Variants in CSF3R observed in about 807,000 individuals in gnomAD.
The protein encoded by CSF3R is granulocyte colony-stimulating factor receptor.
Under a neutral mutation model 84.4 loss-of-function variants are expected in CSF3R, and 52 were observed. The observed-to-expected ratio is 0.62, with a 90% CI of 0.49 to 0.78. CSF3R has a LOEUF of 0.78. CSF3R is among the 30% of genes least tolerant of loss of function. The probability of loss-of-function intolerance (pLI) is 0.00; values close to 1 mark genes in which losing one functional copy is unlikely to be tolerated. For missense variants in CSF3R, 890 were observed against 1,055.7 expected, an observed-to-expected ratio of 0.84 and a Z score of 2.17; for synonymous variants, 384 against 429.1, an observed-to-expected ratio of 0.89 and a Z score of 1.30.
chr1:36,475,334 A>C (rs202173587), intron 4 of CSF3R, 43 bp downstream of exon 4: 14 of 1,608,204 alleles, frequency 8.7e-6, no homozygotes, highest in African/African-American at 1.3e-5. Context: ...TATTGGCAGG[A>C]GGGTGTTGGA....
At chr1:36,469,046 G>C in intron 12 of CSF3R, 110 bp downstream of exon 12, 1 of 807,024 alleles carries the variant, frequency 1.2e-6, no homozygotes, top group Non-Finnish European at 2.1e-6. Context: ...TCCAGGGCTG[G>C]AAGTATGGTA....
intron 12 of CSF3R, 54 bp from the exon 13 acceptor site, chr1:36,468,275 C>T (rs1054682347): frequency 1.9e-5 from 28 of 1,513,354 alleles, no homozygotes; most frequent in Middle Eastern, 3.7e-4. Flanking sequence ...AGCAAGAGCC[C>T]GGTTGGACTT....
In CSF3R at chr1:36,473,492, C is replaced by G; in HGVS notation, c.616G>C (p.Glu206Gln). The G allele has an allele frequency of 6.2e-7, 1 of 1,614,146 alleles. No individual in the cohort carries two copies. The highest frequency in any genetic ancestry group is 8.5e-7 in the Non-Finnish European group (1 of 1,180,052). ...GACATGCTGGTCCCCAGCGCATTCT[C>G]TGCCTGCACCCAGATGCCCATATTC... Reference protein sequence around the residue: ...YQNMGIWVQAENALGTSMSPQ... With the variant: ...YQNMGIWVQAQNALGTSMSPQ... Residue 206 changes from glutamate to glutamine, a missense_variant, in exon 6 of 17, where the codon GAG becomes CAG. Physicochemically the swap from Glu to Gln is conservative, Grantham distance 29 (BLOSUM62 2). Transcript: ENST00000373106.
At chr1:36,469,135 G>A in intron 12 of CSF3R, 21 bp downstream of exon 12, 1 of 1,558,916 alleles carries the variant, frequency 6.4e-7, no homozygotes, top group Non-Finnish European at 8.8e-7. Flanking sequence ...ATTCTGGAAA[G>A]GGGCCTGATA....
rs1651518102 is a variant in CSF3R, at chr1:36,481,481, C to T, written c.-24G>A. ...GATCTCCAGCTCCGCCACTTACCAG[C>T]TTTGTGATCTTGGACAAGTTACTTC... On this transcript the variant is annotated 5_prime_UTR_variant, in exon 2 of 17. Coordinates refer to ENST00000373106, the MANE Select transcript of CSF3R (RefSeq NM_000760.4). 1 of 152,306 alleles carries T rather than the reference C, an allele frequency of 6.6e-6. No individual in the cohort carries two copies. The highest frequency in any genetic ancestry group is 2.4e-5 in the African/African-American group (1 of 41,460). 9.4% of individuals were successfully genotyped at this position (152,306 alleles called of 1,614,324 possible).
intron 11 of CSF3R, among the ~76,000 whole-genome samples, 153 bp from the exon 12 acceptor site, chr1:36,469,410 A>C (rs1557589512): frequency 6.6e-6 from 1 of 152,222 alleles, no homozygotes; most frequent in Non-Finnish European, 1.5e-5. Context: ...GATGAGAATT[A>C]GGGAAGAAAA....
intron 3 of CSF3R, chr1:36,477,085 G>A (rs913108260): frequency 6.6e-6 from 1 of 152,064 alleles, no homozygotes; most frequent in African/African-American, 2.4e-5. Context: ...GGAGGCCAAG[G>A]TCCCTGTACT....
intron 4 of CSF3R, among the ~76,000 whole-genome samples, chr1:36,474,475 C>G (rs551325745): frequency 1.4e-5 from 2 of 144,146 alleles, no homozygotes; most frequent in Admixed American, 7.1e-5. Context: ...TCGGCTCACT[C>G]GGCTAATTTT....
intron 2 of CSF3R, chr1:36,479,845 C>T (rs1196816226): frequency 5.2e-6 from 2 of 382,154 alleles, no homozygotes; most frequent in East Asian, 6.0e-5. Flanking sequence ...GCTAGGCTAC[C>T]CCTAGAGAGC....
Position 36,469,716 on chromosome 1 carries a change from C to G in CSF3R, c.1410G>C (p.Ala470=), listed in dbSNP as rs3917988. The part of the protein sequence containing the change: ...VIEWGLGPPS[A]SNSNKTWRME... ...TCCTCCAGGTCTTGTTGCTATTGCT[C>G]GCGCTGGGGGGGCCCAGGCCCCACT... Residue 470 remains alanine, a synonymous_variant, in exon 11 of 17, where the codon GCG becomes GCC. Coordinates refer to ENST00000373106, the MANE Select transcript of CSF3R (RefSeq NM_000760.4). 2.5e-6 allele frequency: 4 copies of G among 1,614,202 alleles called. No individual in the cohort carries two copies. The highest frequency in any genetic ancestry group is 2.2e-5 in the East Asian group (1 of 44,886).
At chr1:36,478,900 T>A in intron 3 of CSF3R, 2 of 223,416 alleles carry the variant, frequency 9.0e-6, no homozygotes, top group Non-Finnish European at 1.8e-5. Flanking sequence ...ACAGAGACAG[T>A]ATGTGGCCTG....
At chr1:36,473,026 CCT>C (rs979148156) in intron 6 of CSF3R, 9 of 406,572 alleles carry the variant, frequency 2.2e-5, no homozygotes, top group Non-Finnish European at 3.1e-5. Context: ...CCCCTTCCCC[CCT>C]CTCTCTCTAT....
intron 3 of CSF3R, chr1:36,477,127 TAG>T (rs1651203679): frequency 6.6e-6 from 1 of 152,188 alleles, no homozygotes; most frequent in Non-Finnish European, 1.5e-5. Flanking sequence ...TTCATAATTA[TAG>T]AGTCTTATGA....
Position 36,472,836 on chromosome 1 carries a change from C to A in CSF3R, c.674-150G>T. On this transcript the variant is annotated intron_variant, in intron 6 of 16. Transcript: ENST00000373106. The surrounding 1 kb of genome is among the most constrained non-coding windows in gnomAD (Gnocchi z 5.0). ...GTTCGATCTCTATGTGTCTTTGTTT[C>A]TCTCTAGGTCTCTGTTTCCGCTCTT... The A allele has an allele frequency of 1.1e-6, 1 of 935,966 alleles. No homozygotes were observed. 58.0% of individuals were successfully genotyped at this position (935,966 alleles called of 1,614,324 possible). A position where few individuals can be genotyped will look rare whatever the true frequency, so the allele number is the denominator to read the frequency against.
At chr1:36,473,972 GC>G in intron 4 of CSF3R, 85 bp from the exon 5 acceptor site, 1 of 1,597,866 alleles carries the variant, frequency 6.3e-7, no homozygotes, top group East Asian at 2.2e-5. Flanking sequence ...CTGTTGCCTT[GC>G]CCTGGCTTGG....
chr1:36,475,259 G>A (rs1285598902), intron 4 of CSF3R, 118 bp downstream of exon 4: 2 of 1,275,596 alleles, frequency 1.6e-6, no homozygotes, highest in African/African-American at 1.5e-5. Context: ...CGCCTGCCTC[G>A]GCCTCCCAAA....
chr1:36,479,272 C>T, intron 3 of CSF3R, 161 bp downstream of exon 3: 2 of 758,864 alleles, frequency 2.6e-6, no homozygotes, highest in Non-Finnish European at 4.6e-6. Context: ...CTGTGGAAGT[C>T]TGTGGGTGGG....
chr1:36,469,564 G>T, intron 11 of CSF3R, 88 bp downstream of exon 11: 1 of 1,455,638 alleles, frequency 6.9e-7, no homozygotes, highest in South Asian at 1.1e-5. Flanking sequence ...ATGTCTCTTG[G>T]GCAGTTCAGG....
At position 36,469,717 on chromosome 1, in the gene CSF3R, G is replaced by C. The variant is rs781634406; in HGVS notation, c.1409C>G (p.Ala470Gly). The C allele has an allele frequency of 6.2e-7, 1 of 1,614,156 alleles. No homozygotes were observed. The highest frequency in any genetic ancestry group is 1.1e-5 in the South Asian group (1 of 91,084). Reference sequence around the variant, plus strand: ...CCTCCAGGTCTTGTTGCTATTGCTCGCGCTGGGGGGGCCCAGGCCCCACTC... The same window carrying C: ...CCTCCAGGTCTTGTTGCTATTGCTCCCGCTGGGGGGGCCCAGGCCCCACTC... ...VIEWGLGPPSASNSNKTWRME... is the reference protein window; with the variant it reads ...VIEWGLGPPSGSNSNKTWRME... Residue 470 changes from alanine to glycine, a missense_variant, in exon 11 of 17, where the codon GCG becomes GGG. Coordinates refer to ENST00000373106, the MANE Select transcript of CSF3R (RefSeq NM_000760.4).
Sources: gnomAD v4.1 joint callset for allele counts (sites outside exome capture counted in the v4.1 genomes callset) on GRCh38, gnomAD v4.1.1 for gene constraint, Gnocchi (gnomAD v3.1) non-coding constraint, MANE v1.5 for transcripts, NCBI Gene and HGNC (gene_info 2026-07-23, HGNC 2026-07-21) for gene names.